NFIA: variants seen among roughly 807,000 people sequenced by gnomAD.
The protein encoded by NFIA is nuclear factor I A.
A neutral mutation model predicts 62.8 loss-of-function variants in NFIA; 8 were observed. That is an observed-to-expected ratio of 0.13 (90% CI 0.07 to 0.23). The LOEUF (loss-of-function observed/expected upper bound fraction) is 0.23. Among genes scored for constraint, NFIA ranks in the 10% least tolerant of loss-of-function variants. The pLI is 1.00. For missense variants in NFIA, 410 were observed against 642.1 expected (o/e 0.64, Z 3.91); for synonymous variants, 235 against 238.1 (o/e 0.99, Z 0.12).
chr1:61,082,044 C>G (rs1202497396), upstream of NFIA: 17 of 1,546,176 alleles, frequency 1.1e-5, no homozygotes, highest in Non-Finnish European at 1.5e-5. Flanking sequence ...AGTCCTCCAC[C>G]GAGGTCCGCG....
intron 2 of NFIA, among the ~76,000 whole-genome samples, chr1:61,204,346 T>G (rs1235309567): frequency 1.3e-5 from 2 of 152,234 alleles, no homozygotes; most frequent in Non-Finnish European, 2.9e-5. Flanking sequence ...ATGTAGTTTC[T>G]AGAAGGTTGG....
intron 3 of NFIA, among the ~76,000 whole-genome samples, chr1:61,290,029 T>G (rs1658772247): frequency 2.7e-5 from 4 of 148,488 alleles, no homozygotes. Flanking sequence ...TTTTTTTTTT[T>G]GACAAAATAT....
At chr1:61,139,680 G>A (rs1647352425) in intron 2 of NFIA, among the ~76,000 whole-genome samples, 1 of 152,098 alleles carries the variant, frequency 6.6e-6, no homozygotes, top group South Asian at 2.1e-4. Context: ...TTATTGGGAA[G>A]TGATCTTGTC....
intron 2 of NFIA, among the ~76,000 whole-genome samples, chr1:61,156,912 T>C (rs899416612): frequency 3.3e-5 from 5 of 152,050 alleles, no homozygotes; most frequent in African/African-American, 1.2e-4. Context: ...CCTGCTGGGG[T>C]TGGAGTTCTT....
At chr1:61,299,692 C>T (rs1358117364) in intron 3 of NFIA, among the ~76,000 whole-genome samples, 1 of 152,138 alleles carries the variant, frequency 6.6e-6, no homozygotes, top group Non-Finnish European at 1.5e-5. Flanking sequence ...ACAGTAGGTA[C>T]ACACGCTGTA....
intron 7 of NFIA, 56 bp downstream of exon 7, chr1:61,383,421 A>C (rs556541370): frequency 6.2e-7 from 1 of 1,600,318 alleles, no homozygotes; most frequent in Non-Finnish European, 8.5e-7. Flanking sequence ...TTTGGACCCA[A>C]GTAGCAAAAT....
chr1:61,390,651 G>C (rs1177217646), intron 7 of NFIA, among the ~76,000 whole-genome samples: 1 of 152,180 alleles, frequency 6.6e-6, no homozygotes, highest in East Asian at 1.9e-4. Flanking sequence ...TCACCTTTCA[G>C]GAAGTTGGGG....
chr1:61,241,982 G>A (rs554394519), intron 2 of NFIA, among the ~76,000 whole-genome samples: 120 of 152,172 alleles, frequency 7.9e-4, no homozygotes, highest in Middle Eastern at 3.4e-3. Context: ...CTAAGACTTC[G>A]GGCTGTGCCT....
intron 5 of NFIA, among the ~76,000 whole-genome samples, chr1:61,357,896 C>T (rs1663048793): frequency 6.6e-6 from 1 of 152,142 alleles, no homozygotes; most frequent in Non-Finnish European, 1.5e-5. Flanking sequence ...AGTTTTATCA[C>T]CCCTGCAAAC....
intron 2 of NFIA, among the ~76,000 whole-genome samples, chr1:61,271,644 C>G (rs540275772): frequency 6.6e-6 from 1 of 152,274 alleles, no homozygotes; most frequent in East Asian, 1.9e-4. Context: ...CTGTCTGAAT[C>G]AGGAGTAGAG....
At chr1:61,242,476 C>G (rs947993873) in intron 2 of NFIA, among the ~76,000 whole-genome samples, 6 of 152,146 alleles carry the variant, frequency 3.9e-5, no homozygotes, top group African/African-American at 1.2e-4. Flanking sequence ...AGTTTGTACT[C>G]TGTGATATGG....
chr1:61,270,748 A>G (rs1206445293), intron 2 of NFIA, among the ~76,000 whole-genome samples: 1 of 152,200 alleles, frequency 6.6e-6, no homozygotes, highest in African/African-American at 2.4e-5. Context: ...GCTATGCAAT[A>G]ATGTTGCAGG....
intron 3 of NFIA, among the ~76,000 whole-genome samples, chr1:61,278,375 C>T (rs1401918663): frequency 6.6e-6 from 1 of 152,186 alleles, no homozygotes; most frequent in African/African-American, 2.4e-5. Context: ...GTGTTACATA[C>T]TTTCACAGAT....
intron 1 of NFIA, among the ~76,000 whole-genome samples, chr1:61,084,938 A>G (rs1486481563): frequency 6.6e-6 from 1 of 151,978 alleles, no homozygotes; most frequent in African/African-American, 2.4e-5. Context: ...CACCACTAAG[A>G]GAAATGCTTA....
chr1:61,155,093 C>A (rs762036214), intron 2 of NFIA, among the ~76,000 whole-genome samples: 1 of 151,986 alleles, frequency 6.6e-6, no homozygotes, highest in Non-Finnish European at 1.5e-5. Flanking sequence ...AATGGCTTAC[C>A]GTGTGGAATA....
intron 2 of NFIA, among the ~76,000 whole-genome samples, chr1:61,157,531 C>T (rs575154360): frequency 1.3e-5 from 2 of 152,258 alleles, no homozygotes; most frequent in African/African-American, 4.8e-5. Context: ...TTCTGAAGTG[C>T]ACAGATTAGA....
At chr1:61,203,439 C>G (rs548864184) in intron 2 of NFIA, among the ~76,000 whole-genome samples, 44 of 152,224 alleles carry the variant, frequency 2.9e-4, no homozygotes, top group Admixed American at 7.9e-4. Context: ...TCTTTTGAGC[C>G]CGCTGTGCCC....
intron 2 of NFIA, among the ~76,000 whole-genome samples, chr1:61,142,290 A>G (rs1361849870): frequency 6.6e-6 from 1 of 152,202 alleles, no homozygotes; most frequent in East Asian, 1.9e-4. Flanking sequence ...CAAAATTTTA[A>G]TCACCCAAGG....
intron 10 of NFIA, among the ~76,000 whole-genome samples, chr1:61,433,437 TTTG>T (rs755401341): frequency 6.6e-6 from 1 of 151,960 alleles, no homozygotes; most frequent in Non-Finnish European, 1.5e-5. Flanking sequence ...GTGTTTTATT[TTTG>T]TTGTTGTTGG....
Sources: allele counts gnomAD v4.1 joint callset (sites outside exome capture counted in the v4.1 genomes callset), GRCh38; gene constraint gnomAD v4.1.1; transcripts MANE v1.5; gene names NCBI Gene and HGNC (gene_info 2026-07-23, HGNC 2026-07-21).